The following PPM1L variants were observed in gnomAD, a reference collection of about 807,000 sequenced individuals.
The protein encoded by PPM1L is protein phosphatase 1L.
A neutral mutation model predicts 31.4 loss-of-function variants in PPM1L; 13 were observed. The observed-to-expected ratio is 0.41, with a 90% CI of 0.27 to 0.66. The LOEUF (loss-of-function observed/expected upper bound fraction) is 0.66. Ranked by LOEUF, PPM1L falls within the 30% of genes least tolerant of loss-of-function variation. The pLI, the probability that PPM1L is intolerant of heterozygous loss-of-function variation, is 0.29. For missense variants in PPM1L, 326 were observed against 453.7 expected (o/e 0.72, Z 2.56); for synonymous variants, 184 against 175.4 (o/e 1.05, Z -0.39).
chr3:161,047,192 C>T (rs1002560128), intron 2 of PPM1L, among the ~76,000 whole-genome samples: 1 of 152,140 alleles, frequency 6.6e-6, no homozygotes, highest in Admixed American at 6.5e-5. Flanking sequence ...TAGAAAACCC[C>T]GTCATCTCAG....
intron 1 of PPM1L, among the ~76,000 whole-genome samples, chr3:160,865,644 G>A (rs759769091): frequency 2.0e-5 from 3 of 152,094 alleles, no homozygotes; most frequent in Admixed American, 6.5e-5. Flanking sequence ...ACGTGGTGGC[G>A]TGCGCCTGTA....
At chr3:160,777,730 G>C (rs1032237404) in intron 1 of PPM1L, among the ~76,000 whole-genome samples, 1 of 152,098 alleles carries the variant, frequency 6.6e-6, no homozygotes. Flanking sequence ...TCCATTGTGT[G>C]TATATACCAC....
chr3:160,801,147 A>C (rs1340051029), intron 1 of PPM1L, among the ~76,000 whole-genome samples: 1 of 151,832 alleles, frequency 6.6e-6, no homozygotes, highest in Non-Finnish European at 1.5e-5. Flanking sequence ...ACACACACAC[A>C]CACACACACA....
chr3:160,839,868 T>C (rs1713818528), intron 1 of PPM1L, among the ~76,000 whole-genome samples: 2 of 152,132 alleles, frequency 1.3e-5, no homozygotes, highest in Admixed American at 1.3e-4. Flanking sequence ...GGGAGCCCCG[T>C]TGGAAAGCCT....
At chr3:160,831,034 C>T (rs1713510421) in intron 1 of PPM1L, among the ~76,000 whole-genome samples, 1 of 152,166 alleles carries the variant, frequency 6.6e-6, no homozygotes, top group South Asian at 2.1e-4. Flanking sequence ...GGACAGCACC[C>T]AAGGGGGTTT....
At chr3:160,923,357 T>C (rs1185732183) in intron 1 of PPM1L, among the ~76,000 whole-genome samples, 2 of 152,186 alleles carry the variant, frequency 1.3e-5, no homozygotes, top group Non-Finnish European at 2.9e-5. Flanking sequence ...ACTTTCTGAA[T>C]TAATATTTTA....
chr3:160,807,514 A>G (rs562197128), intron 1 of PPM1L, among the ~76,000 whole-genome samples: 3 of 152,084 alleles, frequency 2.0e-5, no homozygotes, highest in Non-Finnish European at 2.9e-5. Context: ...TTTCTTCCAT[A>G]TTCTTCTTTG....
intron 1 of PPM1L, among the ~76,000 whole-genome samples, chr3:160,781,364 T>G (rs773377539): frequency 6.6e-6 from 1 of 152,214 alleles, no homozygotes; most frequent in Non-Finnish European, 1.5e-5. Context: ...GATTGTTACA[T>G]TTAGACATGA....
At chr3:160,826,798 A>G (rs1713367201) in intron 1 of PPM1L, among the ~76,000 whole-genome samples, 1 of 152,178 alleles carries the variant, frequency 6.6e-6, no homozygotes, top group Non-Finnish European at 1.5e-5. Context: ...GCAAAATTTG[A>G]CTTAGTTTTA....
At chr3:160,988,127 A>G (rs1288640579) in intron 2 of PPM1L, among the ~76,000 whole-genome samples, 1 of 152,202 alleles carries the variant, frequency 6.6e-6, no homozygotes, top group Non-Finnish European at 1.5e-5. Context: ...AGAGAGGAGG[A>G]ATAGGGCAGA....
intron 2 of PPM1L, among the ~76,000 whole-genome samples, chr3:161,012,447 A>G (rs986931807): frequency 1.3e-5 from 2 of 152,066 alleles, no homozygotes; most frequent in African/African-American, 4.8e-5. Context: ...TTTTTGCATC[A>G]ATGTTAATCA....
chr3:160,773,684 T>C (rs941621362), intron 1 of PPM1L, among the ~76,000 whole-genome samples: 13 of 152,352 alleles, frequency 8.5e-5, no homozygotes, highest in Non-Finnish European at 1.8e-4. Context: ...CAGTGTCTGC[T>C]TTCTTCCTAC....
At chr3:160,917,495 TATATCTC>T (rs996154586) in intron 1 of PPM1L, among the ~76,000 whole-genome samples, 1 of 152,140 alleles carries the variant, frequency 6.6e-6, no homozygotes, top group African/African-American at 2.4e-5. Flanking sequence ...AAATAGATAT[TATATCTC>T]ATATCTCATA....
intron 1 of PPM1L, among the ~76,000 whole-genome samples, chr3:160,905,812 T>G (rs2108058020): frequency 6.6e-6 from 1 of 152,268 alleles, no homozygotes; most frequent in East Asian, 1.9e-4. Flanking sequence ...TCTCATTTGA[T>G]TTTTGATGGG....
chr3:160,963,650 G>A (rs554428541), intron 2 of PPM1L, among the ~76,000 whole-genome samples: 1 of 152,168 alleles, frequency 6.6e-6, no homozygotes, highest in Non-Finnish European at 1.5e-5. Context: ...GCATGTATTT[G>A]TGAAGAGAAG....
chr3:160,965,662 A>T (rs1214218630), intron 2 of PPM1L, among the ~76,000 whole-genome samples: 1 of 152,120 alleles, frequency 6.6e-6, no homozygotes, highest in Admixed American at 6.6e-5. Context: ...ATCTCATTCT[A>T]AGTCGAGGAG....
chr3:160,801,480 A>G (rs1712424211), intron 1 of PPM1L, among the ~76,000 whole-genome samples: 1 of 152,206 alleles, frequency 6.6e-6, no homozygotes, highest in African/African-American at 2.4e-5. Context: ...CAGGACGAAG[A>G]ACATTTAGAG....
chr3:160,964,181 TG>T (rs1716060256), intron 2 of PPM1L, among the ~76,000 whole-genome samples: 1 of 151,910 alleles, frequency 6.6e-6, no homozygotes, highest in African/African-American at 2.4e-5. Context: ...TTGCACAACA[TG>T]GGGGTTAGGG....
chr3:160,862,662 GCACACACACACACACA>G (rs6148164), intron 1 of PPM1L, among the ~76,000 whole-genome samples: 6 of 127,194 alleles, frequency 4.7e-5, no homozygotes, highest in South Asian at 2.6e-4. Context: ...CTAGGCACAC[GCACACACACACACACA>G]CACACACACA....
Sources: gnomAD v4.1 joint callset for allele counts (sites outside exome capture counted in the v4.1 genomes callset) on GRCh38, gnomAD v4.1.1 for gene constraint, MANE v1.5 for transcripts, NCBI Gene and HGNC (gene_info 2026-07-23, HGNC 2026-07-21) for gene names.